DCHS2: variants seen among roughly 807,000 people sequenced by gnomAD.
DCHS2 encodes the protein dachsous cadherin-related 2.
In DCHS2, 142 loss-of-function variants were observed where a neutral mutation model predicts 182.4. The ratio of observed to expected loss-of-function variants is 0.78; its 90% CI spans 0.68 to 0.89. DCHS2 has a LOEUF of 0.89. Ranked by LOEUF, DCHS2 falls within the 40% of genes least tolerant of loss-of-function variation. The pLI is 0.00. For synonymous variants in DCHS2, 1,740 were observed against 1,663.3 expected (o/e 1.05, Z -1.12); for missense variants, 4,319 against 4,198.6 (o/e 1.03, Z -0.79).
chr4:154,280,976 C>G (rs549859623), intron 13 of DCHS2, among the ~76,000 whole-genome samples: 1 of 151,982 alleles, frequency 6.6e-6, no homozygotes, highest in African/African-American at 2.4e-5. Flanking sequence ...TACAGGCATC[C>G]GCCATCATAC....
At chr4:154,375,618 C>G (rs568398872) in intron 2 of DCHS2, among the ~76,000 whole-genome samples, 1 of 152,018 alleles carries the variant, frequency 6.6e-6, no homozygotes, top group South Asian at 2.1e-4. Context: ...AGTAAAACCC[C>G]AGTGTGATAT....
intron 12 of DCHS2, among the ~76,000 whole-genome samples, chr4:154,303,807 T>A (rs991519513): frequency 4.6e-5 from 7 of 152,186 alleles, no homozygotes; most frequent in Non-Finnish European, 8.8e-5. Context: ...TGAAAACTGA[T>A]AATAATGTAA....
In DCHS2 at chr4:154,321,034, G is replaced by C. The variant is rs757316325; in HGVS notation, c.4365C>G (p.Asp1455Glu). Residue 1455 changes from aspartate (D) to glutamate (E), a missense_variant, in exon 9 of 20, where the codon GAC (aspartate) becomes GAG (glutamate). By Grantham distance (45) the Asp-to-Glu change is conservative. Transcript: ENST00000357232. ...ADDKDGHFEI[D>E]SSTGDLFLSK... is the part of the protein sequence containing the mutation. Reference sequence around the variant, plus strand: ...AAAGAAACAAGTCTCCGGTTGAGCTGTCTATTTCAAAGTGTCCATCCTTAT... The same window carrying C: ...AAAGAAACAAGTCTCCGGTTGAGCTCTCTATTTCAAAGTGTCCATCCTTAT... 6.2e-7 allele frequency: 1 copy of C among 1,613,420 alleles called. No individual in the cohort carries two copies. The highest frequency in any genetic ancestry group is 1.7e-5 in the Admixed American group (1 of 59,956).
intron 1 of DCHS2, among the ~76,000 whole-genome samples, chr4:154,417,283 C>A (rs1306909581): frequency 7.0e-6 from 1 of 143,590 alleles, no homozygotes; most frequent in African/African-American, 2.6e-5. Flanking sequence ...TCATTCTTCC[C>A]GTTTACAGTG....
chr4:154,367,227 G>A (rs560253888), intron 2 of DCHS2, among the ~76,000 whole-genome samples: 1 of 152,296 alleles, frequency 6.6e-6, no homozygotes, highest in Admixed American at 6.5e-5. Flanking sequence ...GAGCACAAGA[G>A]TGGCCTGATT....
chr4:154,368,721 A>G (rs559582219), intron 2 of DCHS2, among the ~76,000 whole-genome samples: 1 of 152,050 alleles, frequency 6.6e-6, no homozygotes, highest in East Asian at 1.9e-4. Context: ...CTGGTCTCGA[A>G]CTCCTGACCT....
intron 13 of DCHS2, among the ~76,000 whole-genome samples, chr4:154,284,880 T>A (rs1272368205): frequency 6.6e-6 from 1 of 152,104 alleles, no homozygotes; most frequent in Non-Finnish European, 1.5e-5. Flanking sequence ...CATGACCTAC[T>A]GAGACACCAA....
At chr4:154,471,657 G>T (rs146363823) in intron 1 of DCHS2, among the ~76,000 whole-genome samples, 1 of 152,116 alleles carries the variant, frequency 6.6e-6, no homozygotes, top group East Asian at 1.9e-4. Flanking sequence ...AAACATCTCT[G>T]CCATCCTCAA....
rs1272906626 is a variant in DCHS2 at position 154,234,636 on chromosome 4, G to GGCTGC, written c.10011_10015dup (p.Pro3339ArgfsTer10). On this transcript the variant is annotated frameshift_variant, in exon 20 of 20. Coordinates refer to ENST00000357232, the MANE Select transcript of DCHS2 (RefSeq NM_001358235.2). LOFTEE classifies it low-confidence loss of function (END_TRUNC). ...TCTCAACAGTGGAGACAAGGCAGGA[G>GGCTGC]GCTGCATCGTCAATAGGGAAAGAGA... 6.2e-7 allele frequency: 1 copy of GGCTGC among 1,613,948 alleles called. No homozygotes were observed. The highest frequency in any genetic ancestry group is 8.5e-7 in the Non-Finnish European group (1 of 1,179,964).
intron 7 of DCHS2, among the ~76,000 whole-genome samples, chr4:154,325,318 T>C (rs979361175): frequency 2.0e-5 from 1 of 51,086 alleles, no homozygotes; most frequent in African/African-American, 6.0e-5. Context: ...ATTATAGCCG[T>C]GTGTGTGTGT....
chr4:154,360,563 G>A (rs2110753589), intron 3 of DCHS2, among the ~76,000 whole-genome samples: 1 of 152,132 alleles, frequency 6.6e-6, no homozygotes, highest in South Asian at 2.1e-4. Flanking sequence ...AATGAGGTGT[G>A]GTATTAATTT....
chr4:154,420,300 G>C (rs1052197488), intron 1 of DCHS2, among the ~76,000 whole-genome samples: 1 of 149,210 alleles, frequency 6.7e-6, no homozygotes, highest in Non-Finnish European at 1.5e-5. Flanking sequence ...TAGATAGATA[G>C]ATACGTACGT....
At chr4:154,375,970 G>A (rs1017508245) in intron 2 of DCHS2, among the ~76,000 whole-genome samples, 1 of 151,922 alleles carries the variant, frequency 6.6e-6, no homozygotes, top group Non-Finnish European at 1.5e-5. Flanking sequence ...AAAGAAACTC[G>A]ACAGAAACAC....
Position 154,234,681 on chromosome 4 carries a change from A to C in DCHS2, c.9971T>G (p.Met3324Arg), listed in dbSNP as rs1166269790. ...PYHLGSLPEG[M>R]TPNFSPSLSL... is the part of the protein sequence containing the mutation. The stretch of plus-strand genomic sequence containing the variant: ...AAGAGATGGAGAAAAATTGGGAGTC[A>C]TGCCTTCTGGCAGAGAACCAAGATG... The change falls in exon 20 of 20, where the codon ATG becomes AGG. Residue 3324 changes from methionine (M) to arginine (R), a missense_variant. By Grantham distance (91) the Met-to-Arg change is moderately conservative. Coordinates refer to ENST00000357232, the MANE Select transcript of DCHS2 (RefSeq NM_001358235.2). The C allele has an allele frequency of 8.7e-6, 14 of 1,613,838 alleles. No homozygotes were observed. Among genetic ancestry groups the C allele is most frequent in the African/African-American group, 1.3e-5 (1 of 74,868 alleles).
chr4:154,249,553 C>A (rs1216878925), intron 16 of DCHS2, among the ~76,000 whole-genome samples: 2 of 152,098 alleles, frequency 1.3e-5, no homozygotes, highest in Non-Finnish European at 2.9e-5. Flanking sequence ...TTGGACCCAG[C>A]AATCCTATTG....
intron 14 of DCHS2, among the ~76,000 whole-genome samples, chr4:154,266,267 G>T (rs1212634791): frequency 1.3e-5 from 2 of 152,142 alleles, no homozygotes; most frequent in Non-Finnish European, 2.9e-5. Context: ...GATGTCGATG[G>T]TTGGATGTCA....
chr4:154,369,141 C>A (rs916584593), intron 2 of DCHS2, among the ~76,000 whole-genome samples: 2 of 152,068 alleles, frequency 1.3e-5, no homozygotes, highest in African/African-American at 4.8e-5. Context: ...TTGCTATCCT[C>A]AATGAAATGA....
chr4:154,236,374 G>C lies in DCHS2; in HGVS notation c.8278C>G (p.Leu2760Val), dbSNP rs368993763. The change falls in exon 20 of 20, where the codon CTG (leucine) becomes GTG (valine). Residue 2760 changes from leucine (L) to valine (V), a missense_variant. By Grantham distance (32) the Leu-to-Val change is conservative (BLOSUM62 1). Transcript: ENST00000357232. ...TGAGGTGCATGGTCGTTATCATCCA[G>C]GACACTGACAAACACAACTGCAAAA... ...FSFAVVFVSVLDDNDHAPQFM... is the reference protein window; with the variant it reads ...FSFAVVFVSVVDDNDHAPQFM... 1 of 1,613,908 alleles carries C rather than the reference G, an allele frequency of 6.2e-7. No individual in the cohort carries two copies. Among genetic ancestry groups the C allele is most frequent in the African/African-American group, 1.3e-5 (1 of 74,898 alleles).
At chr4:154,400,861 G>A (rs1732145751) in intron 1 of DCHS2, among the ~76,000 whole-genome samples, 1 of 152,130 alleles carries the variant, frequency 6.6e-6, no homozygotes. Flanking sequence ...ACTGCCAACT[G>A]CATGCAGTTC....
Sources: gnomAD v4.1 joint callset for allele counts (sites outside exome capture counted in the v4.1 genomes callset) on GRCh38, gnomAD v4.1.1 for gene constraint, MANE v1.5 for transcripts, NCBI Gene and HGNC (gene_info 2026-07-23, HGNC 2026-07-21) for gene names.